Variants in LASP1 observed in about 807,000 individuals in gnomAD.
The protein encoded by LASP1 is LIM and SH3 domain protein 1.
In LASP1, 10 loss-of-function variants were observed where a neutral mutation model predicts 38.6. That is an observed-to-expected ratio of 0.26 (90% CI 0.16 to 0.44). The LOEUF is 0.44. Ranked by LOEUF, LASP1 falls within the 20% of genes least tolerant of loss-of-function variation. The probability of loss-of-function intolerance (pLI) is 1.00; values close to 1 mark genes in which losing one functional copy is unlikely to be tolerated. For synonymous variants in LASP1, 132 were observed against 140.8 expected (o/e 0.94, Z 0.44); for missense variants, 243 against 375.7 (o/e 0.65, Z 2.92).
intron 2 of LASP1, 21 bp downstream of exon 2, chr17:38,878,201 G>T: frequency 1.3e-6 from 2 of 1,556,696 alleles, no homozygotes; most frequent in South Asian, 2.2e-5. Context: ...TTCTGGGCAG[G>T]GGGCTGGGTG....
intron 4 of LASP1, 75 bp from the exon 5 acceptor site, chr17:38,914,250 G>C: frequency 6.5e-7 from 1 of 1,529,078 alleles, no homozygotes; most frequent in South Asian, 1.2e-5. Context: ...TCCCATCCTG[G>C]GATCTTGAGG....
At chr17:38,890,571 C>A in intron 3 of LASP1, 67 bp downstream of exon 3, 1 of 1,448,264 alleles carries the variant, frequency 6.9e-7, no homozygotes, top group Non-Finnish European at 9.6e-7. Flanking sequence ...GTAAGGTCGG[C>A]ATTTGGCAAG....
chr17:38,870,988 T>A (rs907666128), intron 1 of LASP1, among the ~76,000 whole-genome samples: 1 of 151,288 alleles, frequency 6.6e-6, no homozygotes, highest in Admixed American at 6.6e-5. Context: ...GGTGGCAGAG[T>A]AGGGTGGGTG....
At position 38,921,434 on chromosome 17, in the gene LASP1, AC is replaced by A. The variant is rs1915295824; in HGVS notation, c.*2657del. 1 of 232,250 alleles carries A rather than the reference AC, an allele frequency of 4.3e-6. No homozygotes were observed. Among genetic ancestry groups the A allele is most frequent in the South Asian group, 1.8e-4 (1 of 5,496 alleles). 14.4% of individuals were successfully genotyped at this position (232,250 alleles called of 1,614,324 possible). A position where few individuals can be genotyped will look rare whatever the true frequency, so the allele number is the denominator to read the frequency against. On this transcript the variant is annotated 3_prime_UTR_variant, in exon 7 of 7. Transcript: ENST00000318008. Reference sequence around the variant, plus strand: ...GCTTAATTTCTGCCTTTCCCCCCTCACACATGCACTTTTGGGCCTTTTTTTA... The same window carrying A: ...GCTTAATTTCTGCCTTTCCCCCCTCAACATGCACTTTTGGGCCTTTTTTTA...
At chr17:38,899,490 C>T (rs1243623206) in intron 4 of LASP1, among the ~76,000 whole-genome samples, 3 of 152,148 alleles carry the variant, frequency 2.0e-5, no homozygotes, top group Non-Finnish European at 2.9e-5. Context: ...CTCAGCAGGG[C>T]GCTCCTTTAA....
At position 38,918,484 on chromosome 17, in the gene LASP1, C is replaced by T. The variant is rs1324394316; in HGVS notation, c.613-121C>T. 1 of 946,976 alleles carries T rather than the reference C, an allele frequency of 1.1e-6. No individual in the cohort carries two copies. The highest frequency in any genetic ancestry group is 1.6e-5 in the African/African-American group (1 of 60,808). The allele number at this position is 946,976 out of a possible 1,614,324, so 58.7% of individuals were successfully genotyped here. On this transcript the variant is annotated intron_variant, in intron 6 of 6. Transcript: ENST00000318008. This position sits in a 1 kb window ranked among gnomAD's most constrained non-coding sequence, Gnocchi z 4.4. Reference sequence around the variant, plus strand: ...AATCTTTGCAGCAGAGCCTGGTGCTCCATTTCTGAGTTCACTGCTCCCCCA... The same window carrying T: ...AATCTTTGCAGCAGAGCCTGGTGCTTCATTTCTGAGTTCACTGCTCCCCCA...
chr17:38,870,239 A>G lies in LASP1; in HGVS notation c.50A>G (p.Lys17Arg), dbSNP rs1266304412. Residue 17 changes from lysine to arginine, a missense_variant, in exon 1 of 7, where the codon AAG (lysine) becomes AGG (arginine). By Grantham distance (26) the Lys-to-Arg change is conservative. This residue lies in a region of LASP1 where 43 missense variants were observed against 108.3 expected (regional missense o/e 0.40). Coordinates refer to ENST00000318008, the MANE Select transcript of LASP1 (RefSeq NM_006148.4). ...GGCAAGATCGTGTATCCCACGGAGAAGGTGAACTGTCTGGATAAGGTGAGC... is the reference window on the plus strand; with the variant it reads ...GGCAAGATCGTGTATCCCACGGAGAGGGTGAACTGTCTGGATAAGGTGAGC... ...RCGKIVYPTE[K>R]VNCLDKFWHK... 1 of 1,613,618 alleles carries G rather than the reference A, an allele frequency of 6.2e-7. No homozygotes were observed. Among genetic ancestry groups the G allele is most frequent in the East Asian group, 2.2e-5 (1 of 44,826 alleles).
At chr17:38,894,761 A>T (rs1435998632) in intron 3 of LASP1, among the ~76,000 whole-genome samples, 1 of 151,854 alleles carries the variant, frequency 6.6e-6, no homozygotes, top group Non-Finnish European at 1.5e-5. Context: ...TTTTTGAGAC[A>T]GGGTCTCTCT....
chr17:38,911,319 G>C (rs1914935696), intron 4 of LASP1, among the ~76,000 whole-genome samples: 1 of 152,190 alleles, frequency 6.6e-6, no homozygotes, highest in Non-Finnish European at 1.5e-5. Context: ...AGCCTGGACT[G>C]CCCTTGAGTG....
At position 38,918,480 on chromosome 17, in the gene LASP1, T is replaced by G; in HGVS notation, c.613-125T>G. The G allele has an allele frequency of 2.2e-6, 2 of 896,840 alleles. No homozygotes were observed. Among genetic ancestry groups the G allele is most frequent in the Non-Finnish European group, 1.7e-6 (1 of 582,914 alleles). The allele number at this position is 896,840 out of a possible 1,614,324, so 55.6% of individuals were successfully genotyped here. ...TAAGAATCTTTGCAGCAGAGCCTGG[T>G]GCTCCATTTCTGAGTTCACTGCTCC... On this transcript the variant is annotated intron_variant, in intron 6 of 6. Coordinates refer to ENST00000318008, the MANE Select transcript of LASP1 (RefSeq NM_006148.4). The surrounding 1 kb of genome is among the most constrained non-coding windows in gnomAD (Gnocchi z 4.4).
intron 4 of LASP1, among the ~76,000 whole-genome samples, chr17:38,911,816 C>T (rs548827123): frequency 3.3e-5 from 5 of 151,970 alleles, no homozygotes; most frequent in East Asian, 3.9e-4. Context: ...GACAGAGTCA[C>T]GGAGTCTCAC....
At position 38,921,494 on chromosome 17, in the gene LASP1, CT is replaced by C. The variant is rs1567708619; in HGVS notation, c.*2717del. ...AAAAACAAAATACCACCCTACAAAC[CT>C]GTATTTAAAAAGAAACAGAAATGAC... On this transcript the variant is annotated 3_prime_UTR_variant, in exon 7 of 7. Coordinates refer to ENST00000318008, the MANE Select transcript of LASP1 (RefSeq NM_006148.4). The C allele has an allele frequency of 4.3e-6, 1 of 232,440 alleles. No homozygotes were observed. The highest frequency in any genetic ancestry group is 6.1e-5 in the East Asian group (1 of 16,442). The allele number at this position is 232,440 out of a possible 1,614,324, so 14.4% of individuals were successfully genotyped here.
intron 2 of LASP1, among the ~76,000 whole-genome samples, chr17:38,881,400 C>G (rs1913946259): frequency 6.6e-6 from 1 of 152,094 alleles, no homozygotes; most frequent in African/African-American, 2.4e-5. Flanking sequence ...CCTCAGCCTC[C>G]CTAGTAGCTG....
intron 1 of LASP1, among the ~76,000 whole-genome samples, chr17:38,871,815 C>T (rs911340358): frequency 1.7e-4 from 26 of 151,964 alleles, no homozygotes; most frequent in African/African-American, 6.0e-4. Context: ...ATTGTGGGCA[C>T]GAGGAAAGTT....
At chr17:38,888,865 G>A (rs1375215316) in intron 2 of LASP1, among the ~76,000 whole-genome samples, 1 of 121,872 alleles carries the variant, frequency 8.2e-6, no homozygotes, top group Non-Finnish European at 1.9e-5. Context: ...CTGCCTCCAA[G>A]CCAGGCCCTC....
At chr17:38,886,087 T>A (rs1283031551) in intron 2 of LASP1, among the ~76,000 whole-genome samples, 1 of 151,758 alleles carries the variant, frequency 6.6e-6, no homozygotes, top group Non-Finnish European at 1.5e-5. Flanking sequence ...TAGACCTCTC[T>A]CTCTCTCTCA....
chr17:38,894,332 A>G (rs886782080), intron 3 of LASP1, among the ~76,000 whole-genome samples: 4 of 152,148 alleles, frequency 2.6e-5, no homozygotes, highest in African/African-American at 9.7e-5. Flanking sequence ...ATGGGAAATT[A>G]CAGGGGGGTT....
At position 38,870,579 on chromosome 17, in the gene LASP1, C is replaced by T. The variant is rs1465652865; in HGVS notation, c.69+321C>T. On this transcript the variant is annotated intron_variant, in intron 1 of 6. Transcript: ENST00000318008. ...TGGGGGAAGGTTAGGGGTGCAGTCC[C>T]GCCCCCTACGGCCTGGAGAGTGAGA... Among the ~76,000 whole-genome samples the T allele has an allele frequency of 5.3e-5, 8 of 152,128 alleles. 1 individual carries two copies. In the South Asian group the frequency reaches 1.2e-3, roughly 24 times the overall value.
intron 3 of LASP1, chr17:38,897,049 G>A: frequency 1.0e-6 from 1 of 985,556 alleles, no homozygotes; most frequent in Non-Finnish European, 1.2e-6. Context: ...GGGCTTCCAG[G>A]ACTGAGGAAG....
Sources: allele counts gnomAD v4.1 joint callset (sites outside exome capture counted in the v4.1 genomes callset), GRCh38; gene constraint gnomAD v4.1.1; regional missense constraint gnomAD v4.1.1; non-coding constraint Gnocchi (gnomAD v3.1); transcripts MANE v1.5; gene names NCBI Gene and HGNC (gene_info 2026-07-23, HGNC 2026-07-21).